FAM241A: variants seen among roughly 807,000 people sequenced by gnomAD.
The protein encoded by FAM241A is uncharacterized protein FAM241A.
In FAM241A, 7 loss-of-function variants were observed where a neutral mutation model predicts 12.2. That is an observed-to-expected ratio of 0.58 (90% confidence interval 0.33 to 1.08). The LOEUF is 1.08. Among genes scored for constraint, FAM241A ranks in the 50% least tolerant of loss-of-function variants. The pLI is 0.04. For missense variants in FAM241A, 161 were observed against 169.7 expected (o/e 0.95, Z 0.29); for synonymous variants, 74 against 68.2 (o/e 1.08, Z -0.42).
chr4:112,163,665 G>A (rs560538214), intron 1 of FAM241A, among the ~76,000 whole-genome samples: 1 of 152,318 alleles, frequency 6.6e-6, no homozygotes, highest in African/African-American at 2.4e-5. Context: ...GAAACAACTG[G>A]TGCTGGAGAG....
intron 1 of FAM241A, among the ~76,000 whole-genome samples, chr4:112,183,276 T>A (rs1052634391): frequency 1.3e-5 from 2 of 151,984 alleles, no homozygotes; most frequent in Non-Finnish European, 2.9e-5. Context: ...TGTGCTTAAA[T>A]TTTTTTATAA....
intron 1 of FAM241A, among the ~76,000 whole-genome samples, chr4:112,164,766 T>C (rs1298518400): frequency 6.6e-6 from 1 of 152,168 alleles, no homozygotes; most frequent in Non-Finnish European, 1.5e-5. Context: ...GAAAAATGTC[T>C]AATAATTCAA....
In FAM241A at chr4:112,193,150, G is replaced by C. The variant is rs1724199842; in HGVS notation, c.*6212G>C. ...TTTGGCTGCATAAATGTCTTCTTTT[G>C]AGAAGTGTCTGTTCATGTCCTTTGC... On this transcript the variant is annotated 3_prime_UTR_variant, in exon 2 of 2. Coordinates refer to ENST00000309733, the MANE Select transcript of FAM241A (RefSeq NM_152400.3). 1.3e-5 allele frequency: 2 copies of C among 151,400 alleles called. No individual in the cohort carries two copies. Among genetic ancestry groups the C allele is most frequent in the South Asian group, 4.2e-4 (2 of 4,808 alleles). 9.4% of individuals were successfully genotyped at this position (151,400 alleles called of 1,614,324 possible).
chr4:112,147,549 A>G (rs938927147), intron 1 of FAM241A, among the ~76,000 whole-genome samples: 1 of 152,220 alleles, frequency 6.6e-6, no homozygotes, highest in African/African-American at 2.4e-5. Flanking sequence ...AGTTTTTTTC[A>G]AGTTCTGTAA....
intron 1 of FAM241A, among the ~76,000 whole-genome samples, chr4:112,180,993 C>T (rs1723931500): frequency 6.6e-6 from 1 of 152,178 alleles, no homozygotes; most frequent in South Asian, 2.1e-4. Context: ...ATAAGGATCA[C>T]TTTCCAAAGT....
intron 1 of FAM241A, among the ~76,000 whole-genome samples, chr4:112,175,799 T>C (rs1446559980): frequency 6.6e-6 from 1 of 151,872 alleles, no homozygotes. Flanking sequence ...AATGTTCTTA[T>C]TGGGCAGGCT....
In FAM241A at chr4:112,192,107, A is replaced by G. The variant is rs1724178162; in HGVS notation, c.*5169A>G. 1 of 152,140 alleles carries G rather than the reference A, an allele frequency of 6.6e-6. No homozygotes were observed. Among genetic ancestry groups the G allele is most frequent in the African/African-American group, 2.4e-5 (1 of 41,398 alleles). The allele number at this position is 152,140 out of a possible 1,614,324, so 9.4% of individuals were successfully genotyped here. ...GTTGATGTATACATTATAATTTATAAAGCTATTCACTTCTGATAAAAGAAT... is the reference window on the plus strand; with the variant it reads ...GTTGATGTATACATTATAATTTATAGAGCTATTCACTTCTGATAAAAGAAT... On this transcript the variant is annotated 3_prime_UTR_variant, in exon 2 of 2. Transcript: ENST00000309733.
At chr4:112,163,811 G>A (rs1236624212) in intron 1 of FAM241A, among the ~76,000 whole-genome samples, 1 of 152,156 alleles carries the variant, frequency 6.6e-6, no homozygotes, top group African/African-American at 2.4e-5. Context: ...CCATTACTGG[G>A]TCTATACCCA....
chr4:112,147,531 T>C (rs767087296), intron 1 of FAM241A, among the ~76,000 whole-genome samples: 6 of 152,244 alleles, frequency 3.9e-5, no homozygotes, highest in Non-Finnish European at 8.8e-5. Context: ...CACAAAGCCT[T>C]GTTTTCTAGT....
At chr4:112,167,148 A>G (rs1055817149) in intron 1 of FAM241A, among the ~76,000 whole-genome samples, 5 of 151,716 alleles carry the variant, frequency 3.3e-5, no homozygotes, top group African/African-American at 7.2e-5. Flanking sequence ...AAATAAAAAT[A>G]CTAATAATTT....
At chr4:112,186,658 A>G in intron 1 of FAM241A, 35 bp from the exon 2 acceptor site, 1 of 1,566,780 alleles carries the variant, frequency 6.4e-7, no homozygotes, top group Non-Finnish European at 8.6e-7. Flanking sequence ...TTCTCATGTT[A>G]TGTTCATGTT....
chr4:112,178,506 A>G (rs1723867349), intron 1 of FAM241A, among the ~76,000 whole-genome samples: 2 of 152,124 alleles, frequency 1.3e-5, no homozygotes, highest in Admixed American at 1.3e-4. Context: ...TCAAAGATCA[A>G]AATATTTACA....
chr4:112,175,209 C>T (rs1723795358), intron 1 of FAM241A, among the ~76,000 whole-genome samples: 1 of 152,108 alleles, frequency 6.6e-6, no homozygotes, highest in Admixed American at 6.5e-5. Context: ...CTAGCTATAT[C>T]TGAGTACTTA....
chr4:112,174,410 T>G (rs1723780838), intron 1 of FAM241A, among the ~76,000 whole-genome samples: 1 of 152,116 alleles, frequency 6.6e-6, no homozygotes, highest in South Asian at 2.1e-4. Context: ...TCCCAGCACT[T>G]TGGGTGGCTG....
Position 112,188,054 on chromosome 4 carries a change from T to A in FAM241A, c.*1116T>A, listed in dbSNP as rs899430971. 4.6e-5 allele frequency: 7 copies of A among 152,184 alleles called. No homozygotes were observed. The highest frequency in any genetic ancestry group is 1.7e-4 in the African/African-American group (7 of 41,460). The allele number at this position is 152,184 out of a possible 1,614,324, so 9.4% of individuals were successfully genotyped here. Reference sequence around the variant, plus strand: ...TGGCTAGCCATGTTATTAAGGTGTCTTAATTCAGCATTTTCAGGTTTTATA... The same window carrying A: ...TGGCTAGCCATGTTATTAAGGTGTCATAATTCAGCATTTTCAGGTTTTATA... On this transcript the variant is annotated 3_prime_UTR_variant, in exon 2 of 2. Coordinates refer to ENST00000309733, the MANE Select transcript of FAM241A (RefSeq NM_152400.3).
intron 1 of FAM241A, among the ~76,000 whole-genome samples, chr4:112,147,228 A>G (rs1723158326): frequency 6.6e-6 from 1 of 152,250 alleles, no homozygotes; most frequent in Non-Finnish European, 1.5e-5. Flanking sequence ...ACATCTTAGA[A>G]AACATATCAC....
At chr4:112,172,662 A>G (rs950027748) in intron 1 of FAM241A, among the ~76,000 whole-genome samples, 1 of 152,164 alleles carries the variant, frequency 6.6e-6, no homozygotes, top group African/African-American at 2.4e-5. Flanking sequence ...TATAAATGTT[A>G]ACCTCCACAC....
intron 1 of FAM241A, among the ~76,000 whole-genome samples, chr4:112,170,057 T>C (rs569214210): frequency 6.6e-6 from 1 of 152,300 alleles, no homozygotes; most frequent in Non-Finnish European, 1.5e-5. Context: ...TATTTTTTAG[T>C]CTAAAATCCC....
At position 112,194,417 on chromosome 4, in the gene FAM241A, G is replaced by C. The variant is rs1296818248; in HGVS notation, c.*7479G>C. 1 of 150,622 alleles carries C rather than the reference G, an allele frequency of 6.6e-6. No homozygotes were observed. Among genetic ancestry groups the C allele is most frequent in the Non-Finnish European group, 1.5e-5 (1 of 67,146 alleles). The allele number at this position is 150,622 out of a possible 1,614,324, so 9.3% of individuals were successfully genotyped here. A position where few individuals can be genotyped will look rare whatever the true frequency, so the allele number is the denominator to read the frequency against. ...AGGAGTGGTGAGAGAGGGCATCCCT[G>C]TCTTGTGCCAGTTTTCAAAGGGAAT... On this transcript the variant is annotated 3_prime_UTR_variant, in exon 2 of 2. Coordinates refer to ENST00000309733, the MANE Select transcript of FAM241A (RefSeq NM_152400.3).
Sources: gnomAD v4.1 joint callset for allele counts (sites outside exome capture counted in the v4.1 genomes callset) on GRCh38, gnomAD v4.1.1 for gene constraint, MANE v1.5 for transcripts, NCBI Gene and HGNC (gene_info 2026-07-23, HGNC 2026-07-21) for gene names.